Variants in ZNF280D observed in about 807,000 individuals in gnomAD.
ZNF280D encodes the protein suppressor of hairy wing homolog 4.
A neutral mutation model predicts 94.7 loss-of-function variants in ZNF280D; 39 were observed. The observed-to-expected ratio is 0.41, with a 90% CI of 0.32 to 0.54. The LOEUF (loss-of-function observed/expected upper bound fraction) is 0.54. Among genes scored for constraint, ZNF280D ranks in the 20% least tolerant of loss-of-function variants. The probability of loss-of-function intolerance (pLI) is 0.22; values close to 1 mark genes in which losing one functional copy is unlikely to be tolerated. For synonymous variants in ZNF280D, 398 were observed against 377.6 expected (o/e 1.05, Z -0.63); for missense variants, 1,090 against 1,149.3 (o/e 0.95, Z 0.75).
chr15:56,724,383 C>G lies in ZNF280D; in HGVS notation c.-86+9075G>C, dbSNP rs1648362565. Among the ~76,000 whole-genome samples the G allele has an allele frequency of 1.3e-5, 2 of 152,130 alleles. 1 individual carries two copies. Among genetic ancestry groups the G allele is most frequent in the Non-Finnish European group, 2.9e-5 (2 of 68,036 alleles). On this transcript the variant is annotated intron_variant, in intron 1 of 21. Transcript: ENST00000267807. The stretch of plus-strand genomic sequence containing the variant: ...AGGTTATCCTAGTGTTAAAAGCTTC[C>G]AGGTGCAGTGAGGTGCAGAACAGGT...
At chr15:56,694,082 T>C (rs56957600) in intron 6 of ZNF280D, among the ~76,000 whole-genome samples, 1,786 of 152,096 alleles carry the variant, frequency 0.012, 39 homozygotes, top group African/African-American at 0.041. Context: ...TTTTAGCCCT[T>C]CCATCAGGAG....
intron 6 of ZNF280D, among the ~76,000 whole-genome samples, chr15:56,695,222 G>C (rs1346559588): frequency 2.0e-5 from 3 of 151,376 alleles, no homozygotes; most frequent in Non-Finnish European, 3.0e-5. Flanking sequence ...ACAGGCTCAT[G>C]CCACCACACC....
At position 56,658,471 on chromosome 15, in the gene ZNF280D, A is replaced by G; in HGVS notation, c.2010T>C (p.Arg670=). 1 of 1,580,188 alleles carries G rather than the reference A, an allele frequency of 6.3e-7. No individual in the cohort carries two copies. Among genetic ancestry groups the G allele is most frequent in the Non-Finnish European group, 8.6e-7 (1 of 1,168,226 alleles). ...TAAAAATACAAAACCTTTTGCTTGG[A>G]CGGTTACTATGAAAGCTGGAGAAAC... is the stretch of plus-strand genomic sequence containing the variant. ...VNHMMSFHSN[R]PSKRFCIFKK... Residue 670 remains arginine, a synonymous_variant, in exon 17 of 22, where the codon CGT becomes CGC. Coordinates refer to ENST00000267807, the MANE Select transcript of ZNF280D (RefSeq NM_017661.4).
chr15:56,713,949 A>G (rs1235721397), intron 1 of ZNF280D, among the ~76,000 whole-genome samples: 5 of 152,188 alleles, frequency 3.3e-5, no homozygotes, highest in Admixed American at 1.3e-4. Context: ...ATAAGCGATA[A>G]ACAATAATAT....
At position 56,638,771 on chromosome 15, in the gene ZNF280D, A is replaced by G. The variant is rs1320756414; in HGVS notation, c.2260-3521T>C. Among the ~76,000 whole-genome samples, 10 of 152,080 alleles carry G rather than the reference A, an allele frequency of 6.6e-5. 1 individual carries two copies. Among genetic ancestry groups the G allele is most frequent in the Non-Finnish European group, 1.5e-4 (10 of 67,980 alleles). Reference sequence around the variant, plus strand: ...ATTATTTCAATTTCTAATATGGTAAACATTAGTAATTTTTGAGACTACAAA... The same window carrying G: ...ATTATTTCAATTTCTAATATGGTAAGCATTAGTAATTTTTGAGACTACAAA... On this transcript the variant is annotated intron_variant, in intron 20 of 21. Coordinates refer to ENST00000267807, the MANE Select transcript of ZNF280D (RefSeq NM_017661.4).
chr15:56,678,141 G>A (rs896468359), intron 11 of ZNF280D, among the ~76,000 whole-genome samples: 4 of 151,900 alleles, frequency 2.6e-5, no homozygotes, highest in Non-Finnish European at 4.4e-5. Flanking sequence ...CCAAGGAGCT[G>A]GGATTACAGG....
intron 6 of ZNF280D, among the ~76,000 whole-genome samples, chr15:56,696,701 C>T (rs1566996242): frequency 6.6e-6 from 1 of 152,164 alleles, no homozygotes; most frequent in Non-Finnish European, 1.5e-5. Flanking sequence ...AGAGAAAAGT[C>T]ACTTAAACAG....
At chr15:56,702,057 A>G (rs1193439920) in intron 4 of ZNF280D, among the ~76,000 whole-genome samples, 1 of 148,982 alleles carries the variant, frequency 6.7e-6, no homozygotes, top group Non-Finnish European at 1.5e-5. Context: ...ACCAAATCTC[A>G]TAAAAATTTC....
chr15:56,728,127 G>A (rs902692297), intron 1 of ZNF280D, among the ~76,000 whole-genome samples: 8 of 151,860 alleles, frequency 5.3e-5, no homozygotes, highest in African/African-American at 9.7e-5. Flanking sequence ...GACCTGAAGC[G>A]ATCCTCCCAC....
rs532632154 is a variant in ZNF280D at position 56,697,126 on chromosome 15, C to G, written c.381+3807G>C. Among the ~76,000 whole-genome samples, 42 of 152,066 alleles carry G rather than the reference C, an allele frequency of 2.8e-4. No homozygotes were observed. The South Asian group carries it at 7.9e-3, about 29-fold the overall frequency. On this transcript the variant is annotated intron_variant, in intron 6 of 21. Coordinates refer to ENST00000267807, the MANE Select transcript of ZNF280D (RefSeq NM_017661.4). ...AACCACTAAGTTAATTTGATTCCAA[C>G]TAATAGCAAAGAATTTTTACATTCT...
chr15:56,631,718 C>T lies in ZNF280D; in HGVS notation c.2720G>A (p.Ser907Asn). ...ACTGCCTTGCTCGCTAACATCAGAACTAACAGATTCAGGTTCATGTCTTTT... is the reference window on the plus strand; with the variant it reads ...ACTGCCTTGCTCGCTAACATCAGAATTAACAGATTCAGGTTCATGTCTTTT... ...LRKRHEPESV[S>N]SDVSEQGSIH... Residue 907 changes from serine (S) to asparagine (N), a missense_variant, in exon 22 of 22, where the codon AGT becomes AAT. Ser to Asn is a conservative substitution (Grantham distance 46). Transcript: ENST00000267807. 1.9e-6 allele frequency: 3 copies of T among 1,614,162 alleles called. No homozygotes were observed. Among genetic ancestry groups the T allele is most frequent in the Non-Finnish European group, 2.5e-6 (3 of 1,180,020 alleles).
chr15:56,689,394 T>C lies in ZNF280D; in HGVS notation c.576A>G (p.Lys192=), dbSNP rs1406404308. ...TTGCTCCAGAAACACTTTCGCTGGG[T>C]TTAGGCTTCTTTGGATTAACATTAT... ...EVNNVNPKKP[K]PSESVSGANS... Residue 192 remains lysine, a synonymous_variant, in exon 8 of 22, where the codon AAA becomes AAG. Coordinates refer to ENST00000267807, the MANE Select transcript of ZNF280D (RefSeq NM_017661.4). The C allele has an allele frequency of 6.2e-7, 1 of 1,604,940 alleles. No individual in the cohort carries two copies. Among genetic ancestry groups the C allele is most frequent in the Non-Finnish European group, 8.5e-7 (1 of 1,175,500 alleles).
chr15:56,639,074 T>C (rs1016789681), intron 20 of ZNF280D, among the ~76,000 whole-genome samples: 1 of 151,654 alleles, frequency 6.6e-6, no homozygotes, highest in African/African-American at 2.4e-5. Context: ...ATATTTAATA[T>C]CTCCAAAGAG....
Position 56,707,157 on chromosome 15 carries a change from C to G in ZNF280D, c.-41-7G>C, listed in dbSNP as rs2057458340. 1 of 1,612,764 alleles carries G rather than the reference C, an allele frequency of 6.2e-7. No homozygotes were observed. Among genetic ancestry groups the G allele is most frequent in the African/African-American group, 1.3e-5 (1 of 74,898 alleles). On this transcript the variant is annotated splice_region_variant and splice_polypyrimidine_tract_variant and intron_variant, in intron 2 of 21. Coordinates refer to ENST00000267807, the MANE Select transcript of ZNF280D (RefSeq NM_017661.4). ...GTAAATTGTCACCTAAGTACTGACA[C>G]ATGATATCAGTCAATTTAATGAGTC... is the stretch of plus-strand genomic sequence containing the variant.
chr15:56,690,398 CA>C (rs2056357531), intron 7 of ZNF280D, among the ~76,000 whole-genome samples: 1 of 151,642 alleles, frequency 6.6e-6, no homozygotes, highest in African/African-American at 2.4e-5. Context: ...AATAAAAAAA[CA>C]AAGGACACAT....
At chr15:56,697,910 A>G (rs1180177221) in intron 6 of ZNF280D, 1 of 152,242 alleles carries the variant, frequency 6.6e-6, no homozygotes, top group African/African-American at 2.4e-5. Flanking sequence ...TATCTAGCTT[A>G]ATCAAAAATT....
In ZNF280D at chr15:56,689,127, A is replaced by T; in HGVS notation, c.694T>A (p.Ser232Thr). Reference protein sequence around the residue: ...AKGTNTSSNQSKNGTPFPRAC... With the variant: ...AKGTNTSSNQTKNGTPFPRAC... Reference sequence around the variant, plus strand: ...CTTGGAAAAGGTGTTCCATTTTTAGACTGATTTGATGAGGTATTTGTACCT... The same window carrying T: ...CTTGGAAAAGGTGTTCCATTTTTAGTCTGATTTGATGAGGTATTTGTACCT... Residue 232 changes from serine (S) to threonine (T), a missense_variant, in exon 9 of 22, where the codon TCT becomes ACT. Ser to Thr is a moderately conservative substitution (Grantham distance 58). Around this residue, in one of 3 missense-constraint regions of ZNF280D, gnomAD observed 386 missense variants for 372.0 expected, o/e 1.04. Coordinates refer to ENST00000267807, the MANE Select transcript of ZNF280D (RefSeq NM_017661.4). 1.2e-6 allele frequency: 2 copies of T among 1,610,328 alleles called. No homozygotes were observed. Among genetic ancestry groups the T allele is most frequent in the Non-Finnish European group, 1.7e-6 (2 of 1,178,406 alleles).
At chr15:56,688,309 G>A (rs2056176971) in intron 9 of ZNF280D, among the ~76,000 whole-genome samples, 1 of 151,792 alleles carries the variant, frequency 6.6e-6, no homozygotes, top group African/African-American at 2.4e-5. Flanking sequence ...TGGCTAACAC[G>A]ATGAAACCCC....
chr15:56,732,156 G>A (rs1325535072), intron 1 of ZNF280D, among the ~76,000 whole-genome samples: 1 of 152,086 alleles, frequency 6.6e-6, no homozygotes, highest in African/African-American at 2.4e-5. Flanking sequence ...AAGACCTAAG[G>A]TTCTATTAAT....
Sources: gnomAD v4.1 joint callset for allele counts (sites outside exome capture counted in the v4.1 genomes callset) on GRCh38, gnomAD v4.1.1 for gene constraint, gnomAD v4.1.1 regional missense constraint, MANE v1.5 for transcripts, NCBI Gene and HGNC (gene_info 2026-07-23, HGNC 2026-07-21) for gene names.